The following MCU variants were observed in gnomAD, a reference collection of about 807,000 sequenced individuals.
The protein encoded by MCU is calcium uniporter protein, mitochondrial.
A neutral mutation model predicts 45.2 loss-of-function variants in MCU; 12 were observed. That is an observed-to-expected ratio of 0.27 (90% confidence interval 0.17 to 0.43). The LOEUF is 0.43. MCU is among the 20% of genes least tolerant of loss of function. The pLI is 1.00. For synonymous variants in MCU, 160 were observed against 165.1 expected, an observed-to-expected ratio of 0.97 and a Z score of 0.24; for missense variants, 324 against 436.7, an observed-to-expected ratio of 0.74 and a Z score of 2.30.
chr10:72,704,985 C>A (rs1424653992), intron 1 of MCU, among the ~76,000 whole-genome samples: 2 of 151,988 alleles, frequency 1.3e-5, no homozygotes, highest in African/African-American at 4.8e-5. Flanking sequence ...TCCCAAAGTG[C>A]TGGGATTACA....
At chr10:72,851,777 T>A (rs1348594510) in intron 2 of MCU, among the ~76,000 whole-genome samples, 6 of 152,204 alleles carry the variant, frequency 3.9e-5, no homozygotes, top group African/African-American at 1.4e-4. Flanking sequence ...CCTCCTCCCA[T>A]CTTCCTAACC....
chr10:72,857,123 C>A (rs1333509195), intron 2 of MCU, among the ~76,000 whole-genome samples: 1 of 151,806 alleles, frequency 6.6e-6, no homozygotes, highest in Non-Finnish European at 1.5e-5. Context: ...ACTTTTGATT[C>A]TTCAAAGAAG....
chr10:72,791,678 C>G (rs1844162978), intron 1 of MCU, among the ~76,000 whole-genome samples: 1 of 152,048 alleles, frequency 6.6e-6, no homozygotes, highest in Non-Finnish European at 1.5e-5. Flanking sequence ...ATGCACAAAT[C>G]ACCGGTGCAA....
chr10:72,868,718 A>G lies in MCU; in HGVS notation c.512A>G (p.Glu171Gly). 2 of 1,613,616 alleles carry G rather than the reference A, an allele frequency of 1.2e-6. No homozygotes were observed. Among genetic ancestry groups the G allele is most frequent in the Non-Finnish European group, 1.7e-6 (2 of 1,179,884 alleles). Residue 171 changes from glutamate to glycine, a missense_variant, in exon 5 of 8, where the codon GAA (glutamate) becomes GGA (glycine). Physicochemically the swap from Glu to Gly is moderately conservative, Grantham distance 98. This residue lies in a region of MCU where 135 missense variants were observed against 207.3 expected (regional missense o/e 0.65). Coordinates refer to ENST00000373053, the MANE Select transcript of MCU (RefSeq NM_138357.3). The part of the protein sequence containing the change: ...RPPKRDLLSH[E>G]NAATLNDVKT... ...TTTGTTTCAGACCTCTTAAGTCATG[A>G]AAATGCAGCAACGCTGAATGATGTA...
chr10:72,799,512 C>G (rs917359138), intron 1 of MCU, among the ~76,000 whole-genome samples: 1 of 151,012 alleles, frequency 6.6e-6, no homozygotes, highest in African/African-American at 2.4e-5. Context: ...AAACAAGATG[C>G]GGTCTCACTA....
intron 1 of MCU, among the ~76,000 whole-genome samples, chr10:72,799,782 TTA>T (rs1491358732): frequency 6.6e-6 from 1 of 152,238 alleles, no homozygotes; most frequent in Non-Finnish European, 1.5e-5. Context: ...AAACTTTTTT[TTA>T]TGTCATTGGC....
intron 1 of MCU, among the ~76,000 whole-genome samples, chr10:72,765,059 T>G (rs1207997826): frequency 1.3e-5 from 2 of 149,442 alleles, no homozygotes; most frequent in African/African-American, 2.5e-5. Context: ...CAAGAACATC[T>G]TGGGCAACAT....
intron 1 of MCU, among the ~76,000 whole-genome samples, chr10:72,791,077 TG>T (rs1042213226): frequency 8.5e-5 from 13 of 152,126 alleles, no homozygotes; most frequent in African/African-American, 3.1e-4. Context: ...GGGAGAGGGG[TG>T]GCAAACATAT....
At chr10:72,805,550 C>T (rs957992469) in intron 1 of MCU, among the ~76,000 whole-genome samples, 1 of 152,020 alleles carries the variant, frequency 6.6e-6, no homozygotes, top group Non-Finnish European at 1.5e-5. Context: ...CCCGGCTGCC[C>T]TAGTATATTT....
At chr10:72,818,841 CAAAAAAAA>C (rs199955521) in intron 1 of MCU, among the ~76,000 whole-genome samples, 5 of 87,858 alleles carry the variant, frequency 5.7e-5, no homozygotes, top group Non-Finnish European at 5.3e-5. Context: ...ACCTCTGTCT[CAAAAAAAA>C]AAAAAAAAAA....
At chr10:72,747,523 T>C (rs990235212) in intron 1 of MCU, among the ~76,000 whole-genome samples, 3 of 152,122 alleles carry the variant, frequency 2.0e-5, no homozygotes, top group South Asian at 2.1e-4. Flanking sequence ...AAAAATTATT[T>C]TGGAAACACA....
At position 72,822,259 on chromosome 10, in the gene MCU, G is replaced by A. The variant is rs139183087; in HGVS notation, c.151-12100G>A. 6.0e-3 allele frequency among the ~76,000 whole-genome samples: 907 copies of A among 152,218 alleles called. 12 individuals carry two copies. Among genetic ancestry groups the A allele is most frequent in the African/African-American group, 0.021 (854 of 41,526 alleles). On this transcript the variant is annotated intron_variant, in intron 1 of 7. Coordinates refer to ENST00000373053, the MANE Select transcript of MCU (RefSeq NM_138357.3). ...TGCACTCCAGCATGGGCAACAGAAC[G>A]AGACTCCTCTAAATAAATGAATAAG...
intron 1 of MCU, among the ~76,000 whole-genome samples, chr10:72,708,989 C>G (rs376983126): frequency 6.6e-6 from 1 of 151,662 alleles, no homozygotes; most frequent in Admixed American, 6.6e-5. Flanking sequence ...GCCTGGGTGA[C>G]AGAGTGAAAT....
intron 1 of MCU, among the ~76,000 whole-genome samples, chr10:72,762,779 TAGTA>T (rs1843673151): frequency 6.6e-6 from 1 of 152,122 alleles, no homozygotes; most frequent in African/African-American, 2.4e-5. Flanking sequence ...CAGATAGTGA[TAGTA>T]TAATGTCATA....
chr10:72,846,345 A>G (rs887041910), intron 2 of MCU, among the ~76,000 whole-genome samples: 2 of 152,164 alleles, frequency 1.3e-5, no homozygotes, highest in African/African-American at 4.8e-5. Flanking sequence ...ACGCGGCCCA[A>G]TTAATAAGTT....
rs1845785193 is a variant in MCU, at chr10:72,887,028, C to G, written c.*1206C>G. ...TATACTTTGTCAAAACATTTTCTAC[C>G]ATATTTCCAGATGACATCTGCGCTT... On this transcript the variant is annotated 3_prime_UTR_variant, in exon 8 of 8. Coordinates refer to ENST00000373053, the MANE Select transcript of MCU (RefSeq NM_138357.3). The G allele has an allele frequency of 6.6e-6, 1 of 152,262 alleles. No individual in the cohort carries two copies. The highest frequency in any genetic ancestry group is 1.5e-5 in the Non-Finnish European group (1 of 68,022). 9.4% of individuals were successfully genotyped at this position (152,262 alleles called of 1,614,324 possible). A position where few individuals can be genotyped will look rare whatever the true frequency, so the allele number is the denominator to read the frequency against.
At chr10:72,741,087 G>A (rs1405996831) in intron 1 of MCU, among the ~76,000 whole-genome samples, 1 of 143,904 alleles carries the variant, frequency 6.9e-6, no homozygotes, top group Non-Finnish European at 1.5e-5. Context: ...AGAGAATAGC[G>A]TTTTCTTTTT....
chr10:72,713,189 C>G (rs1027995019), intron 1 of MCU, among the ~76,000 whole-genome samples: 18 of 152,200 alleles, frequency 1.2e-4, no homozygotes, highest in African/African-American at 4.1e-4. Context: ...TTGGCTAAAA[C>G]TTAATTAGAA....
intron 1 of MCU, among the ~76,000 whole-genome samples, chr10:72,738,036 G>A (rs1308231774): frequency 6.6e-6 from 1 of 152,188 alleles, no homozygotes; most frequent in Non-Finnish European, 1.5e-5. Flanking sequence ...GCTTTTGGGA[G>A]TTAATGTAGC....
Sources: gnomAD v4.1 joint callset for allele counts (sites outside exome capture counted in the v4.1 genomes callset) on GRCh38, gnomAD v4.1.1 for gene constraint, gnomAD v4.1.1 regional missense constraint, MANE v1.5 for transcripts, NCBI Gene and HGNC (gene_info 2026-07-23, HGNC 2026-07-21) for gene names.